MGMT: variants seen among roughly 807,000 people sequenced by gnomAD.
MGMT encodes the protein O-6-methylguanine-DNA methyltransferase, also known as methylated-DNA--protein-cysteine methyltransferase.
MGMT carries 14 observed loss-of-function variants against 15.9 expected under a neutral mutation model. That is an observed-to-expected ratio of 0.88 (90% CI 0.58 to 1.37). The LOEUF is 1.37. Among genes scored for constraint, MGMT ranks in the 40% most tolerant of loss-of-function variants. The pLI, the probability that MGMT is intolerant of heterozygous loss-of-function variation, is 0.00. For missense variants in MGMT, 282 were observed against 268.1 expected (o/e 1.05, Z -0.36); for synonymous variants, 130 against 118.2 (o/e 1.10, Z -0.65).
intron 2 of MGMT, among the ~76,000 whole-genome samples, chr10:129,593,814 G>A (rs1023659796): frequency 2.0e-5 from 3 of 152,218 alleles, no homozygotes; most frequent in Admixed American, 6.5e-5. Context: ...GAGGCCTGGA[G>A]GCCAGGCAGT....
At chr10:129,652,012 G>A (rs1403367356) in intron 2 of MGMT, among the ~76,000 whole-genome samples, 2 of 152,186 alleles carry the variant, frequency 1.3e-5, no homozygotes, top group African/African-American at 2.4e-5. Flanking sequence ...CCAGGTGTTG[G>A]GCCTGCACAC....
intron 3 of MGMT, among the ~76,000 whole-genome samples, chr10:129,757,905 C>A (rs973530989): frequency 1.3e-5 from 2 of 152,160 alleles, no homozygotes; most frequent in Non-Finnish European, 2.9e-5. Flanking sequence ...AAGGACAAAT[C>A]AGTCTGATTA....
At chr10:129,672,501 C>A (rs1372907591) in intron 2 of MGMT, among the ~76,000 whole-genome samples, 1 of 152,180 alleles carries the variant, frequency 6.6e-6, no homozygotes, top group Admixed American at 6.5e-5. Context: ...CCTGTATCTT[C>A]TAAATCTCTT....
chr10:129,718,624 C>A (rs887249699), intron 3 of MGMT, among the ~76,000 whole-genome samples: 1 of 152,260 alleles, frequency 6.6e-6, no homozygotes, highest in African/African-American at 2.4e-5. Flanking sequence ...CACCTCCTGC[C>A]CTTCCTTTGT....
At chr10:129,749,968 A>AT (rs1848735001) in intron 3 of MGMT, among the ~76,000 whole-genome samples, 1 of 151,838 alleles carries the variant, frequency 6.6e-6, no homozygotes, top group African/African-American at 2.4e-5. Context: ...GGGTTGTTTG[A>AT]CTTTTTTCTT....
At chr10:129,751,320 T>C (rs1201668691) in intron 3 of MGMT, among the ~76,000 whole-genome samples, 1 of 152,020 alleles carries the variant, frequency 6.6e-6, no homozygotes, top group African/African-American at 2.4e-5. Flanking sequence ...CACAGTTATT[T>C]GTAGGAATAC....
chr10:129,506,973 C>T (rs1845631952), intron 1 of MGMT, among the ~76,000 whole-genome samples: 1 of 152,196 alleles, frequency 6.6e-6, no homozygotes, highest in African/African-American at 2.4e-5. Context: ...CCAGTCTTCA[C>T]TCTGCCACTT....
chr10:129,737,555 G>C (rs534539696), intron 3 of MGMT, among the ~76,000 whole-genome samples: 3 of 152,198 alleles, frequency 2.0e-5, no homozygotes, highest in South Asian at 2.1e-4. Flanking sequence ...CTCTCAACTC[G>C]TCAAAGTCAT....
intron 2 of MGMT, among the ~76,000 whole-genome samples, chr10:129,615,579 C>T (rs933557860): frequency 2.0e-5 from 3 of 152,228 alleles, no homozygotes; most frequent in Non-Finnish European, 4.4e-5. Context: ...GAACATTCCT[C>T]ACCCTCTGCC....
intron 2 of MGMT, among the ~76,000 whole-genome samples, chr10:129,612,348 G>A (rs1846970382): frequency 6.6e-6 from 1 of 152,170 alleles, no homozygotes; most frequent in Non-Finnish European, 1.5e-5. Flanking sequence ...GTATAGCGAA[G>A]CATATCCAAC....
chr10:129,660,531 A>G (rs1332418782), intron 2 of MGMT, among the ~76,000 whole-genome samples: 8 of 152,166 alleles, frequency 5.3e-5, no homozygotes, highest in Non-Finnish European at 1.0e-4. Flanking sequence ...GTCAGTGGGG[A>G]GTCGGCTGGG....
chr10:129,681,392 G>A (rs1231896167), intron 2 of MGMT, among the ~76,000 whole-genome samples: 1 of 152,190 alleles, frequency 6.6e-6, no homozygotes. Flanking sequence ...GACGCCCATG[G>A]TCCTGGCTAC....
At chr10:129,678,388 C>T (rs1330685446) in intron 2 of MGMT, among the ~76,000 whole-genome samples, 1 of 151,768 alleles carries the variant, frequency 6.6e-6, no homozygotes, top group East Asian at 2.0e-4. Context: ...GGAACAAGTG[C>T]CCGATGCTGT....
At chr10:129,745,386 T>C (rs1848682936) in intron 3 of MGMT, among the ~76,000 whole-genome samples, 1 of 142,514 alleles carries the variant, frequency 7.0e-6, no homozygotes. Flanking sequence ...CGCCGCCCCC[T>C]GGCAGCCACG....
chr10:129,718,920 T>C (rs1848333543), intron 3 of MGMT, among the ~76,000 whole-genome samples: 1 of 151,780 alleles, frequency 6.6e-6, no homozygotes, highest in Admixed American at 6.6e-5. Flanking sequence ...CTAGTTCGTT[T>C]GCCCGCTCAG....
At chr10:129,654,848 G>A (rs766881913) in intron 2 of MGMT, among the ~76,000 whole-genome samples, 5 of 152,150 alleles carry the variant, frequency 3.3e-5, no homozygotes, top group Non-Finnish European at 4.4e-5. Flanking sequence ...GGAATGTGAC[G>A]GCACAAGCCA....
At chr10:129,511,789 G>GC (rs1241034957) in intron 1 of MGMT, among the ~76,000 whole-genome samples, 6 of 152,188 alleles carry the variant, frequency 3.9e-5, no homozygotes, top group African/African-American at 9.6e-5. Context: ...CAGGCCTAGA[G>GC]CCCCCCTATG....
At chr10:129,469,689 G>A (rs1035123764) in intron 1 of MGMT, among the ~76,000 whole-genome samples, 1 of 152,094 alleles carries the variant, frequency 6.6e-6, no homozygotes, top group Non-Finnish European at 1.5e-5. Context: ...TGAAAGAGCT[G>A]GGGTCTTACC....
chr10:129,638,297 A>G (rs12247354), intron 2 of MGMT, among the ~76,000 whole-genome samples: 45,967 of 151,604 alleles, frequency 0.3, 7,164 homozygotes, highest in African/African-American at 0.32. Flanking sequence ...TGGTTCAAAA[A>G]ACAGATGGAT....
Sources: allele counts gnomAD v4.1 joint callset (sites outside exome capture counted in the v4.1 genomes callset), GRCh38; gene constraint gnomAD v4.1.1; transcripts MANE v1.5; gene names NCBI Gene and HGNC (gene_info 2026-07-23, HGNC 2026-07-21).